The following SLC6A14 variants were observed in gnomAD, a reference collection of about 807,000 sequenced individuals.
The protein encoded by SLC6A14 is sodium- and chloride-dependent neutral and basic amino acid transporter B(0+).
A neutral mutation model predicts 51.4 loss-of-function variants in SLC6A14; 21 were observed. That is an observed-to-expected ratio of 0.41 (90% confidence interval 0.29 to 0.59). The LOEUF (loss-of-function observed/expected upper bound fraction) is 0.59. Ranked by LOEUF, SLC6A14 falls within the 20% of genes least tolerant of loss-of-function variation. SLC6A14 has a pLI of 0.31. For synonymous variants in SLC6A14, 177 were observed against 160.7 expected (o/e 1.10, Z -0.77); for missense variants, 371 against 472.8 (o/e 0.78, Z 2.00).
At chrX:116,439,025 GA>G (rs1927541230) in intron 2 of SLC6A14, among the ~76,000 whole-genome samples, 1 of 110,857 alleles carries the variant, frequency 9.0e-6, no homozygotes, top group African/African-American at 3.3e-5. Context: ...AAATGCATCA[GA>G]AATCACAGTT....
At chrX:116,445,183 A>T in intron 6 of SLC6A14, 133 bp downstream of exon 6, 1 of 595,118 alleles carries the variant, frequency 1.7e-6, no homozygotes, top group Non-Finnish European at 2.5e-6. Context: ...CTTTCTAAAT[A>T]GTGATTTTAA....
Position 116,454,349 on chromosome X carries a change from T to G in SLC6A14, c.1311T>G (p.Asp437Glu), listed in dbSNP as rs1556694604. The G allele has an allele frequency of 2.5e-6, 3 of 1,199,657 alleles. No homozygotes were observed. The highest frequency in any genetic ancestry group is 3.4e-6 in the Non-Finnish European group (3 of 886,431). Residue 437 changes from aspartate (D) to glutamate (E), a missense_variant, in exon 10 of 14, where the codon GAT becomes GAG. This residue lies in a region of SLC6A14 where 277 missense variants were observed against 391.8 expected (regional missense o/e 0.71). Transcript: ENST00000598581. ...AAACGATCACAACAACAATTCAAGATTTATTTCCCAAAGTGATGAAGAAAA... is the reference window on the plus strand; with the variant it reads ...AAACGATCACAACAACAATTCAAGAGTTATTTCCCAAAGTGATGAAGAAAA... ...SIETITTTIQDLFPKVMKKMR... is the reference protein window; with the variant it reads ...SIETITTTIQELFPKVMKKMR...
chrX:116,450,992 A>T (rs1403942570), intron 7 of SLC6A14, among the ~76,000 whole-genome samples: 1 of 112,398 alleles, frequency 8.9e-6, no homozygotes, highest in Admixed American at 9.4e-5. Flanking sequence ...TTAAAACTAC[A>T]TATATTTAAT....
intron 13 of SLC6A14, 93 bp from the exon 14 acceptor site, chrX:116,458,716 A>C: frequency 2.4e-6 from 2 of 827,148 alleles, no homozygotes; most frequent in Non-Finnish European, 3.2e-6. Context: ...TAGAGAAAAA[A>C]TAATTTAAAG....
chrX:116,445,070 A>G lies in SLC6A14; in HGVS notation c.789+20A>G. On this transcript the variant is annotated intron_variant, in intron 6 of 13. Transcript: ENST00000598581. ...GGCAAGGTAACTTGAAAAACACATTAGATAGCGATATAGCAGCTTTCCAAT... is the reference window on the plus strand; with the variant it reads ...GGCAAGGTAACTTGAAAAACACATTGGATAGCGATATAGCAGCTTTCCAAT... 1.7e-6 allele frequency: 2 copies of G among 1,162,716 alleles called. No homozygotes were observed. Among genetic ancestry groups the G allele is most frequent in the South Asian group, 4.1e-5 (2 of 48,653 alleles).
At chrX:116,445,484 G>C (rs1927691346) in intron 6 of SLC6A14, among the ~76,000 whole-genome samples, 1 of 105,589 alleles carries the variant, frequency 9.5e-6, no homozygotes, top group Non-Finnish European at 2.0e-5. Context: ...GAGAGAGAGA[G>C]AGAGAGAGAG....
chrX:116,436,795 G>A, intron 1 of SLC6A14, 38 bp downstream of exon 1: 1 of 1,136,051 alleles, frequency 8.8e-7, no homozygotes, highest in African/African-American at 1.8e-5. Context: ...TGGAGGACCT[G>A]AGAGTGGAAA....
chrX:116,441,170 G>A (rs1927589756), intron 3 of SLC6A14, 73 bp downstream of exon 3: 2 of 1,052,660 alleles, frequency 1.9e-6, no homozygotes, highest in Admixed American at 5.0e-5. Context: ...TGTGCATATA[G>A]CTACCTTCAC....
chrX:116,457,793 T>C lies in SLC6A14; in HGVS notation c.1782+17T>C, dbSNP rs1556694887. The stretch of plus-strand genomic sequence containing the variant: ...ATCTTTCAAGTGAGTGCATTAAAAT[T>C]GTTTATACTTTACACAAAGTAGTTA... On this transcript the variant is annotated intron_variant, in intron 13 of 13. Transcript: ENST00000598581. The C allele has an allele frequency of 9.0e-7, 1 of 1,111,347 alleles. No homozygotes were observed. Among genetic ancestry groups the C allele is most frequent in the South Asian group, 1.9e-5 (1 of 52,654 alleles). 91.6% of individuals were successfully genotyped at this position (1,111,347 alleles called of 1,213,427 possible).
At chrX:116,446,133 C>T (rs782078002) in intron 6 of SLC6A14, among the ~76,000 whole-genome samples, 2 of 83,545 alleles carry the variant, frequency 2.4e-5, no homozygotes, top group Admixed American at 1.4e-4. Flanking sequence ...AAATCATCCT[C>T]ATTAAGGCAA....
In SLC6A14 at chrX:116,460,434, A is replaced by G. The variant is rs1854504535; in HGVS notation, c.*1479A>G. On this transcript the variant is annotated 3_prime_UTR_variant, in exon 14 of 14. Coordinates refer to ENST00000598581, the MANE Select transcript of SLC6A14 (RefSeq NM_007231.5). ...TTTAATTTATACTGGTAACTTATTT[A>G]GGGGGGAGGGGACATGAAGGTAGGT... The G allele has an allele frequency of 9.0e-6, 1 of 111,163 alleles. No individual in the cohort carries two copies. The highest frequency in any genetic ancestry group is 1.9e-5 in the Non-Finnish European group (1 of 53,046). 9.2% of individuals were successfully genotyped at this position (111,163 alleles called of 1,213,427 possible). A position where few individuals can be genotyped will look rare whatever the true frequency, so the allele number is the denominator to read the frequency against.
intron 7 of SLC6A14, among the ~76,000 whole-genome samples, chrX:116,448,747 T>C (rs782317817): frequency 1.8e-5 from 2 of 111,752 alleles, no homozygotes; most frequent in Non-Finnish European, 3.8e-5. Context: ...GCCTAAGATA[T>C]ATGGGTTTTG....
At position 116,441,038 on chromosome X, in the gene SLC6A14, T is replaced by C. The variant is rs1390669590; in HGVS notation, c.287T>C (p.Leu96Pro). 8.3e-7 allele frequency: 1 copy of C among 1,208,334 alleles called. No individual in the cohort carries two copies. Among genetic ancestry groups the C allele is most frequent in the Non-Finnish European group, 1.1e-6 (1 of 893,792 alleles). The change falls in exon 3 of 14, where the codon CTG becomes CCG. Residue 96 changes from leucine to proline, a missense_variant. This residue lies in a region of SLC6A14 where 277 missense variants were observed against 391.8 expected (regional missense o/e 0.71). Transcript: ENST00000598581. ...CCTTTGTTCTTTCTGGAGTGTTCAC[T>C]GGGACAATTTGCTAGCTTAGGTCCA... ...GLPLFFLECS[L>P]GQFASLGPVS... is the part of the protein sequence containing the mutation.
In SLC6A14 at chrX:116,459,022, A is replaced by T. The variant is rs1927990480; in HGVS notation, c.*67A>T. The T allele has an allele frequency of 2.7e-5, 25 of 918,670 alleles. No individual in the cohort carries two copies. The South Asian group carries it at 4.8e-4, about 18-fold the overall frequency. 75.7% of individuals were successfully genotyped at this position (918,670 alleles called of 1,213,427 possible). A position where few individuals can be genotyped will look rare whatever the true frequency, so the allele number is the denominator to read the frequency against. ...TTTTAGAATAGGGGGAACCTTATTT[A>T]TTTGTGTGTTAACTGAATAGGAAAA... On this transcript the variant is annotated 3_prime_UTR_variant, in exon 14 of 14. Transcript: ENST00000598581.
intron 11 of SLC6A14, 59 bp from the exon 12 acceptor site, chrX:116,455,298 A>C (rs1927910178): frequency 2.1e-6 from 2 of 945,467 alleles, no homozygotes; most frequent in Non-Finnish European, 1.5e-6. Flanking sequence ...AATTGATGCC[A>C]TAATGGTTAC....
chrX:116,442,914 C>A, intron 4 of SLC6A14, 66 bp downstream of exon 4: 1 of 813,414 alleles, frequency 1.2e-6, no homozygotes, highest in Admixed American at 3.7e-5. Flanking sequence ...AGGGTCAAAT[C>A]ATTCTCTAAG....
chrX:116,437,461 C>G (rs1021123558), intron 1 of SLC6A14, among the ~76,000 whole-genome samples: 1 of 111,780 alleles, frequency 8.9e-6, no homozygotes, highest in African/African-American at 3.3e-5. Context: ...GTGACAAAGA[C>G]CTTTGTATTT....
chrX:116,453,878 C>A (rs1927873166), intron 9 of SLC6A14, among the ~76,000 whole-genome samples: 1 of 111,151 alleles, frequency 9.0e-6, no homozygotes, highest in Non-Finnish European at 1.9e-5. Flanking sequence ...CCTTGAAAAT[C>A]TCAAACATAT....
chrX:116,457,296 T>C (rs782676049), intron 12 of SLC6A14, among the ~76,000 whole-genome samples: 203 of 111,797 alleles, frequency 1.8e-3, no homozygotes, highest in Non-Finnish European at 3.5e-3. Context: ...ATTTCAGATA[T>C]TATTTTACTT....
Sources: allele counts gnomAD v4.1 joint callset (sites outside exome capture counted in the v4.1 genomes callset), GRCh38; gene constraint gnomAD v4.1.1; regional missense constraint gnomAD v4.1.1; transcripts MANE v1.5; gene names NCBI Gene and HGNC (gene_info 2026-07-23, HGNC 2026-07-21).